CACNA1D: variants seen among roughly 807,000 people sequenced by gnomAD.
CACNA1D encodes the protein calcium voltage-gated channel subunit alpha1 D.
Under a neutral mutation model 257.1 loss-of-function variants are expected in CACNA1D, and 55 were observed. That is an observed-to-expected ratio of 0.21 (90% CI 0.17 to 0.27). The LOEUF (loss-of-function observed/expected upper bound fraction) is 0.27. Ranked by LOEUF, CACNA1D falls within the 10% of genes least tolerant of loss-of-function variation. CACNA1D has a pLI of 1.00. For synonymous variants in CACNA1D, 980 were observed against 1,014.9 expected, an observed-to-expected ratio of 0.97 and a Z score of 0.65; for missense variants, 1,876 against 2,784.0, an observed-to-expected ratio of 0.67 and a Z score of 7.34.
intron 3 of CACNA1D, among the ~76,000 whole-genome samples, chr3:53,517,165 C>T (rs1001301070): frequency 1.3e-5 from 2 of 152,186 alleles, no homozygotes; most frequent in African/African-American, 2.4e-5. Context: ...GAGAGGGCCT[C>T]GAGGAGAGGA....
chr3:53,672,587 T>C (rs892963818), intron 7 of CACNA1D, among the ~76,000 whole-genome samples: 2 of 152,198 alleles, frequency 1.3e-5, no homozygotes, highest in African/African-American at 4.8e-5. Context: ...TCTAAAATCT[T>C]GGGCAGCATA....
chr3:53,697,715 T>A (rs561227379), intron 8 of CACNA1D, among the ~76,000 whole-genome samples: 1 of 152,364 alleles, frequency 6.6e-6, no homozygotes, highest in South Asian at 2.1e-4. Context: ...ACATGTGGAC[T>A]GATTTTTAAA....
chr3:53,623,107 G>A (rs556793454), intron 3 of CACNA1D, among the ~76,000 whole-genome samples: 1 of 152,332 alleles, frequency 6.6e-6, no homozygotes, highest in African/African-American at 2.4e-5. Context: ...TAACCAGGAT[G>A]GTCTGGATCT....
At chr3:53,773,024 C>T (rs1260281386) in intron 33 of CACNA1D, 126 bp downstream of exon 33, 2 of 827,148 alleles carry the variant, frequency 2.4e-6, no homozygotes, top group Admixed American at 3.8e-5. Context: ...TCTGCTGAAG[C>T]CTAGGAAGAT....
At chr3:53,546,174 C>T (rs541032534) in intron 3 of CACNA1D, among the ~76,000 whole-genome samples, 10 of 152,256 alleles carry the variant, frequency 6.6e-5, no homozygotes, top group Admixed American at 2.0e-4. Context: ...TGGCTGTGGC[C>T]GTCGCCGTGT....
chr3:53,671,673 A>G (rs2094324472), intron 7 of CACNA1D, among the ~76,000 whole-genome samples: 1 of 152,232 alleles, frequency 6.6e-6, no homozygotes, highest in Non-Finnish European at 1.5e-5. Context: ...ATGTGGCCAA[A>G]CAGGTGTTTC....
intron 8 of CACNA1D, among the ~76,000 whole-genome samples, chr3:53,675,807 A>T (rs932399691): frequency 1.3e-5 from 2 of 152,160 alleles, no homozygotes; most frequent in Admixed American, 1.3e-4. Flanking sequence ...CTGATGGAGG[A>T]GACTGGAAAT....
intron 29 of CACNA1D, among the ~76,000 whole-genome samples, chr3:53,754,565 G>A (rs1231927963): frequency 6.6e-6 from 1 of 152,150 alleles, no homozygotes; most frequent in South Asian, 2.1e-4. Flanking sequence ...GCCACGCTGC[G>A]GACTGTCGGC....
At chr3:53,551,648 A>G (rs2092537605) in intron 3 of CACNA1D, among the ~76,000 whole-genome samples, 1 of 152,180 alleles carries the variant, frequency 6.6e-6, no homozygotes, top group Non-Finnish European at 1.5e-5. Flanking sequence ...TACAAAGATA[A>G]AATCTCATGG....
chr3:53,728,993 AC>A lies in CACNA1D; in HGVS notation c.2222-1446del, dbSNP rs1042949761. Among the ~76,000 whole-genome samples the A allele has an allele frequency of 3.3e-5, 5 of 152,234 alleles. 1 individual carries two copies. The highest frequency in any genetic ancestry group is 6.8e-3 in the Middle Eastern group (2 of 294). ...CATCACTCTGGATTTGCTTTCCACT[AC>A]CCAAAGGAGTTGAGTGTCATGGCAA... On this transcript the variant is annotated intron_variant, in intron 15 of 47. Transcript: ENST00000350061.
chr3:53,565,495 A>G (rs191728603), intron 3 of CACNA1D, among the ~76,000 whole-genome samples: 173 of 152,340 alleles, frequency 1.1e-3, no homozygotes, highest in African/African-American at 4.0e-3. Context: ...TCAAACACAC[A>G]TGATGTAGTG....
At chr3:53,680,032 G>A (rs1299602578) in intron 8 of CACNA1D, among the ~76,000 whole-genome samples, 1 of 152,234 alleles carries the variant, frequency 6.6e-6, no homozygotes, top group Non-Finnish European at 1.5e-5. Flanking sequence ...GTTAACAGCT[G>A]TTGGGGGTAG....
rs957512155 is a variant in CACNA1D at position 53,800,614 on chromosome 3, C to T, written c.5040+249C>T. The T allele has an allele frequency of 6.0e-5, 33 of 552,748 alleles. No individual in the cohort carries two copies. Among genetic ancestry groups the T allele is most frequent in the South Asian group, 1.1e-4 (6 of 52,522 alleles). The allele number at this position is 552,748 out of a possible 1,614,324, so 34.2% of individuals were successfully genotyped here. ...CCTCACTGCCTGCTTCTGAGGAGCT[C>T]GGCCACAGCCGCTGGCCCTGTGGAT... On this transcript the variant is annotated intron_variant, in intron 41 of 47. Transcript: ENST00000350061. The surrounding 1 kb of genome is among the most constrained non-coding windows in gnomAD (Gnocchi z 4.3).
intron 3 of CACNA1D, among the ~76,000 whole-genome samples, chr3:53,564,424 G>C (rs2107653077): frequency 6.6e-6 from 1 of 152,294 alleles, no homozygotes; most frequent in Middle Eastern, 3.4e-3. Flanking sequence ...GCCTCCCAAA[G>C]TGCTGGGATT....
Position 53,549,619 on chromosome 3 carries a change from G to A in CACNA1D, c.483+47899G>A, listed in dbSNP as rs74849278. On this transcript the variant is annotated intron_variant, in intron 3 of 47. Transcript: ENST00000350061. Reference sequence around the variant, plus strand: ...GTCTTTAGGTGCTCACTCTAGAGAGGACTGTGATAAGCATAAAGCATAATA... The same window carrying A: ...GTCTTTAGGTGCTCACTCTAGAGAGAACTGTGATAAGCATAAAGCATAATA... Among the ~76,000 whole-genome samples, 812 of 152,310 alleles carry A rather than the reference G, an allele frequency of 5.3e-3. 11 individuals carry two copies. The highest frequency in any genetic ancestry group is 0.019 in the African/African-American group (780 of 41,558).
At chr3:53,532,930 T>A (rs1335754950) in intron 3 of CACNA1D, among the ~76,000 whole-genome samples, 1 of 152,196 alleles carries the variant, frequency 6.6e-6, no homozygotes, top group Non-Finnish European at 1.5e-5. Context: ...TGACTGAACA[T>A]GCCTAGGGTC....
intron 8 of CACNA1D, among the ~76,000 whole-genome samples, chr3:53,694,918 G>T (rs903179186): frequency 1.3e-5 from 2 of 152,152 alleles, no homozygotes; most frequent in African/African-American, 4.8e-5. Flanking sequence ...TTTCAGAGAC[G>T]ATTTTGGCTT....
At chr3:53,755,000 GC>G (rs1199698348) in intron 29 of CACNA1D, among the ~76,000 whole-genome samples, 1 of 152,170 alleles carries the variant, frequency 6.6e-6, no homozygotes, top group Non-Finnish European at 1.5e-5. Context: ...CTAATGCATG[GC>G]CAGATGTTAT....
chr3:53,796,046 G>A (rs2095506095), intron 40 of CACNA1D: 1 of 210,276 alleles, frequency 4.8e-6, no homozygotes. Context: ...GACAAAATAA[G>A]GGGTGTGCCC....
Sources: gnomAD v4.1 joint callset for allele counts (sites outside exome capture counted in the v4.1 genomes callset) on GRCh38, gnomAD v4.1.1 for gene constraint, Gnocchi (gnomAD v3.1) non-coding constraint, MANE v1.5 for transcripts, NCBI Gene and HGNC (gene_info 2026-07-23, HGNC 2026-07-21) for gene names.